Variants in DLG2 observed in about 807,000 individuals in gnomAD.
DLG2 encodes disks large homolog 2.
Under a neutral mutation model 132.5 loss-of-function variants are expected in DLG2, and 45 were observed. That is an observed-to-expected ratio of 0.34 (90% CI 0.27 to 0.44). The LOEUF is 0.44. Among genes scored for constraint, DLG2 ranks in the 20% least tolerant of loss-of-function variants. DLG2 has a pLI of 1.00. For synonymous variants in DLG2, 424 were observed against 419.6 expected, an observed-to-expected ratio of 1.01 and a Z score of -0.13; for missense variants, 1,045 against 1,196.9, an observed-to-expected ratio of 0.87 and a Z score of 1.87.
intron 3 of DLG2, among the ~76,000 whole-genome samples, chr11:85,416,558 T>C (rs1477375501): frequency 6.6e-6 from 1 of 152,234 alleles, no homozygotes; most frequent in Non-Finnish European, 1.5e-5. Context: ...ACAATATTGA[T>C]TCTTCCTATC....
At chr11:84,217,882 C>T (rs1443338036) in intron 8 of DLG2, among the ~76,000 whole-genome samples, 3 of 152,098 alleles carry the variant, frequency 2.0e-5, no homozygotes, top group African/African-American at 7.2e-5. Context: ...AAAGTAGAAC[C>T]TGTGGCCTGG....
chr11:84,065,031 A>G lies in DLG2; in HGVS notation c.750-5547T>C, dbSNP rs371812998. The stretch of plus-strand genomic sequence containing the variant: ...GGACAGTCATATGCAGAAGATTGCA[A>G]TTCGACCCCTTCCTTAAACAATCTG... On this transcript the variant is annotated intron_variant, in intron 10 of 27. Transcript: ENST00000376104. Among the ~76,000 whole-genome samples, 204 of 152,308 alleles carry G rather than the reference A, an allele frequency of 1.3e-3. 1 individual carries two copies. The highest frequency in any genetic ancestry group is 3.4e-3 in the Middle Eastern group (1 of 294).
chr11:84,838,771 G>A (rs1042476692), intron 6 of DLG2, among the ~76,000 whole-genome samples: 1 of 151,926 alleles, frequency 6.6e-6, no homozygotes. Context: ...ATGCAGAAAA[G>A]GCCTTTGACA....
At chr11:84,073,515 A>G (rs2096785491) in intron 10 of DLG2, among the ~76,000 whole-genome samples, 1 of 152,190 alleles carries the variant, frequency 6.6e-6, no homozygotes, top group Non-Finnish European at 1.5e-5. Flanking sequence ...ATAGGCACTG[A>G]GGACACAGTT....
At chr11:83,917,369 T>C (rs536568829) in intron 15 of DLG2, among the ~76,000 whole-genome samples, 22 of 152,356 alleles carry the variant, frequency 1.4e-4, no homozygotes, top group Non-Finnish European at 2.8e-4. Context: ...AGTCTAGTCA[T>C]GCTCATTACA....
chr11:84,060,374 T>C (rs772753060), intron 10 of DLG2, among the ~76,000 whole-genome samples: 14 of 152,198 alleles, frequency 9.2e-5, no homozygotes, highest in Non-Finnish European at 1.6e-4. Context: ...GCAAATTATC[T>C]TCCAGTGTTT....
chr11:84,376,592 G>A (rs929244595), intron 7 of DLG2, among the ~76,000 whole-genome samples: 2 of 151,664 alleles, frequency 1.3e-5, no homozygotes, highest in Non-Finnish European at 3.0e-5. Flanking sequence ...CAAGAAATAC[G>A]AAACCCAAGT....
chr11:84,475,630 TATC>T (rs1466707912), intron 7 of DLG2, among the ~76,000 whole-genome samples: 1 of 152,086 alleles, frequency 6.6e-6, no homozygotes, highest in Non-Finnish European at 1.5e-5. Flanking sequence ...ACACCATAGA[TATC>T]ATGCTACAAA....
chr11:83,791,804 C>T (rs974480340), intron 17 of DLG2, among the ~76,000 whole-genome samples: 1 of 152,196 alleles, frequency 6.6e-6, no homozygotes, highest in African/African-American at 2.4e-5. Flanking sequence ...CTCCCAGGAC[C>T]GGCGTGACTG....
chr11:83,628,827 G>A (rs943601847), intron 19 of DLG2, among the ~76,000 whole-genome samples: 4 of 152,088 alleles, frequency 2.6e-5, no homozygotes, highest in Non-Finnish European at 4.4e-5. Context: ...TCTGTAAGCC[G>A]TAAATCATGA....
intron 6 of DLG2, among the ~76,000 whole-genome samples, chr11:84,839,481 C>T (rs184670584): frequency 1.3e-3 from 201 of 151,840 alleles, no homozygotes; most frequent in African/African-American, 4.3e-3. Context: ...TTCACAGAAT[C>T]GGAAAAAACT....
chr11:84,263,107 G>T (rs920779850), intron 7 of DLG2, among the ~76,000 whole-genome samples: 2 of 152,124 alleles, frequency 1.3e-5, no homozygotes, highest in African/African-American at 4.8e-5. Flanking sequence ...GCAGTTTACT[G>T]AGTCTCCCCA....
chr11:84,883,680 T>A (rs1405104898), intron 6 of DLG2, among the ~76,000 whole-genome samples: 1 of 152,102 alleles, frequency 6.6e-6, no homozygotes, highest in Non-Finnish European at 1.5e-5. Flanking sequence ...AAATATTCAC[T>A]TTTTAACTTC....
intron 3 of DLG2, among the ~76,000 whole-genome samples, chr11:85,396,653 C>G (rs1479233828): frequency 2.6e-5 from 4 of 151,996 alleles, no homozygotes; most frequent in African/African-American, 9.7e-5. Flanking sequence ...ACAGCCAATT[C>G]AATCAAGTGG....
intron 3 of DLG2, among the ~76,000 whole-genome samples, chr11:85,332,132 T>A (rs183243021): frequency 6.6e-6 from 1 of 152,310 alleles, no homozygotes; most frequent in East Asian, 1.9e-4. Flanking sequence ...AATCTGTTAT[T>A]TTCTAACTTT....
chr11:83,584,502 T>C (rs2062177466), intron 19 of DLG2, among the ~76,000 whole-genome samples: 1 of 152,162 alleles, frequency 6.6e-6, no homozygotes, highest in South Asian at 2.1e-4. Flanking sequence ...AATAATCAGG[T>C]CATGTACTGG....
intron 6 of DLG2, among the ~76,000 whole-genome samples, chr11:84,908,162 T>C (rs2091726271): frequency 6.6e-6 from 1 of 152,130 alleles, no homozygotes; most frequent in Non-Finnish European, 1.5e-5. Context: ...ATGAGAGCCA[T>C]ATATGTAATT....
intron 7 of DLG2, among the ~76,000 whole-genome samples, chr11:84,392,319 G>A (rs2098795276): frequency 6.6e-6 from 1 of 152,094 alleles, no homozygotes; most frequent in African/African-American, 2.4e-5. Context: ...TTTCAGTTTT[G>A]AATTAAACTG....
chr11:84,254,364 G>A (rs760102255), intron 7 of DLG2, among the ~76,000 whole-genome samples: 1 of 151,960 alleles, frequency 6.6e-6, no homozygotes, highest in Non-Finnish European at 1.5e-5. Context: ...TGTAAATTTA[G>A]TCTTTCCAAG....
Sources: gnomAD v4.1 joint callset for allele counts (sites outside exome capture counted in the v4.1 genomes callset) on GRCh38, gnomAD v4.1.1 for gene constraint, MANE v1.5 for transcripts, NCBI Gene and HGNC (gene_info 2026-07-23, HGNC 2026-07-21) for gene names.